The following UMAD1 variants were observed in gnomAD, a reference collection of about 807,000 sequenced individuals.
The protein encoded by UMAD1 is UBAP1-MVB12-associated (UMA)-domain containing protein 1.
Under a neutral mutation model 6.1 loss-of-function variants are expected in UMAD1, and 8 were observed. The observed-to-expected ratio is 1.30, with a 90% confidence interval of 0.76 to 2.35. UMAD1 has a LOEUF of 2.35. Ranked by LOEUF, UMAD1 falls within the 30% of genes most tolerant of loss-of-function variation. The pLI is 0.00. For missense variants in UMAD1, 130 were observed against 78.4 expected (o/e 1.66, Z -2.49); for synonymous variants, 56 against 31.4 (o/e 1.78, Z -2.61).
chr7:7,658,772 CTT>C (rs1436649848), intron 1 of UMAD1, among the ~76,000 whole-genome samples: 1 of 152,070 alleles, frequency 6.6e-6, no homozygotes, highest in Non-Finnish European at 1.5e-5. Flanking sequence ...CTGAAATTTT[CTT>C]TTTTTGTTGT....
intron 2 of UMAD1, among the ~76,000 whole-genome samples, chr7:7,769,083 C>G (rs1309695313): frequency 6.6e-6 from 1 of 152,070 alleles, no homozygotes. Context: ...ACCAGATGTC[C>G]CTTTTCATTC....
At chr7:7,720,302 G>A (rs1257058780) in intron 2 of UMAD1, among the ~76,000 whole-genome samples, 1 of 152,166 alleles carries the variant, frequency 6.6e-6, no homozygotes, top group African/African-American at 2.4e-5. Flanking sequence ...CTAGGCTGGT[G>A]GCACTCACAG....
chr7:7,835,515 T>C (rs1459030392), intron 3 of UMAD1, among the ~76,000 whole-genome samples: 2 of 127,206 alleles, frequency 1.6e-5, no homozygotes, highest in South Asian at 2.6e-4. Flanking sequence ...CTTAGCAATA[T>C]ATAGAAGTGA....
intron 2 of UMAD1, among the ~76,000 whole-genome samples, chr7:7,773,184 T>C (rs1321497113): frequency 6.6e-6 from 1 of 152,250 alleles, no homozygotes; most frequent in Non-Finnish European, 1.5e-5. Context: ...ACATTAACTT[T>C]AATGCATTTT....
chr7:7,657,540 G>C (rs2057404738), intron 1 of UMAD1, among the ~76,000 whole-genome samples: 1 of 152,110 alleles, frequency 6.6e-6, no homozygotes, highest in Admixed American at 6.6e-5. Flanking sequence ...TGGCTAGTCA[G>C]TTTTCCCAAC....
At position 7,877,620 on chromosome 7, in the gene UMAD1, C is replaced by A; in HGVS notation, c.*82C>A. ...ACCTGTTTGATGTTCTTTGCCGTTT[C>A]ACTGTTTAAGGTCCTCAGCAAGGAT... On this transcript the variant is annotated 3_prime_UTR_variant, in exon 4 of 4. Coordinates refer to ENST00000682710, the MANE Select transcript of UMAD1 (RefSeq NM_001302348.2). 1.5e-5 allele frequency: 10 copies of A among 665,994 alleles called. No individual in the cohort carries two copies. The highest frequency in any genetic ancestry group is 2.5e-5 in the Non-Finnish European group (9 of 363,196). The allele number at this position is 665,994 out of a possible 1,614,324, so 41.3% of individuals were successfully genotyped here. A position where few individuals can be genotyped will look rare whatever the true frequency, so the allele number is the denominator to read the frequency against.
Position 7,731,491 on chromosome 7 carries a change from C to A in UMAD1, c.82+58038C>A, listed in dbSNP as rs61179069. On this transcript the variant is annotated intron_variant, in intron 2 of 3. Coordinates refer to ENST00000682710, the MANE Select transcript of UMAD1 (RefSeq NM_001302348.2). ...GAAAAGCAAACAAACAACCCCCCCC[C>A]AAAAAAAAAACACTTCTAGAGGTAT... Among the ~76,000 whole-genome samples the A allele has an allele frequency of 6.8e-3, 913 of 134,582 alleles. 33 individuals are homozygous for A. Among genetic ancestry groups the A allele is most frequent in the Non-Finnish European group, 9.1e-3 (565 of 62,356 alleles). 88.3% of individuals were successfully genotyped at this position (134,582 alleles called of 152,430 possible).
At chr7:7,707,213 A>C (rs750374826) in intron 2 of UMAD1, among the ~76,000 whole-genome samples, 1 of 152,206 alleles carries the variant, frequency 6.6e-6, no homozygotes, top group African/African-American at 2.4e-5. Context: ...TCTGTACAGC[A>C]AAGATTATAT....
chr7:7,643,142 C>G (rs781291300), intron 1 of UMAD1, among the ~76,000 whole-genome samples: 5 of 152,084 alleles, frequency 3.3e-5, no homozygotes, highest in Non-Finnish European at 7.4e-5. Flanking sequence ...TCTGCAGCGC[C>G]AGGGAGAGGC....
rs560758411 is a variant in UMAD1, at chr7:7,753,981, C to T, written c.83-47689C>T. Reference sequence around the variant, plus strand: ...GGTGGATCACCTGAGGTCGGGAGTTCGAGACCAGCCTGACCAACATGGTGA... The same window carrying T: ...GGTGGATCACCTGAGGTCGGGAGTTTGAGACCAGCCTGACCAACATGGTGA... On this transcript the variant is annotated intron_variant, in intron 2 of 3. Coordinates refer to ENST00000682710, the MANE Select transcript of UMAD1 (RefSeq NM_001302348.2). 2.5e-3 allele frequency among the ~76,000 whole-genome samples: 373 copies of T among 152,066 alleles called. 4 individuals carry two copies. Among genetic ancestry groups the T allele is most frequent in the Admixed American group, 6.5e-3 (99 of 15,280 alleles).
At chr7:7,686,936 T>C (rs1213231302) in intron 2 of UMAD1, among the ~76,000 whole-genome samples, 2 of 152,216 alleles carry the variant, frequency 1.3e-5, no homozygotes, top group South Asian at 2.1e-4. Flanking sequence ...ATGATGATTA[T>C]GTAGAATTCT....
At chr7:7,680,828 T>G (rs1404008827) in intron 2 of UMAD1, among the ~76,000 whole-genome samples, 1 of 152,162 alleles carries the variant, frequency 6.6e-6, no homozygotes, top group East Asian at 1.9e-4. Context: ...ACTTTCTTGG[T>G]TTCTTTTTCA....
chr7:7,853,403 G>A (rs1365961786), intron 3 of UMAD1, among the ~76,000 whole-genome samples: 1 of 152,026 alleles, frequency 6.6e-6, no homozygotes, highest in Non-Finnish European at 1.5e-5. Context: ...GCAATTTGAA[G>A]AGTATTGCCA....
intron 2 of UMAD1, among the ~76,000 whole-genome samples, chr7:7,737,605 A>G (rs1351232729): frequency 2.0e-5 from 3 of 152,236 alleles, no homozygotes; most frequent in Non-Finnish European, 2.9e-5. Flanking sequence ...CACCTATGAC[A>G]GTTTATGTAT....
At chr7:7,659,400 G>T (rs1785420749) in intron 1 of UMAD1, among the ~76,000 whole-genome samples, 1 of 152,076 alleles carries the variant, frequency 6.6e-6, no homozygotes, top group East Asian at 1.9e-4. Flanking sequence ...TGACGTTAGG[G>T]TGTCGATTTT....
At chr7:7,859,208 T>G (rs998350129) in intron 3 of UMAD1, among the ~76,000 whole-genome samples, 1 of 152,244 alleles carries the variant, frequency 6.6e-6, no homozygotes, top group African/African-American at 2.4e-5. Context: ...AGGATTTTTG[T>G]CTCTATTGTG....
At chr7:7,729,141 C>T (rs1230200865) in intron 2 of UMAD1, among the ~76,000 whole-genome samples, 3 of 152,258 alleles carry the variant, frequency 2.0e-5, no homozygotes, top group South Asian at 4.1e-4. Flanking sequence ...ACTGAGGGAA[C>T]AGCAATGTTT....
intron 2 of UMAD1, among the ~76,000 whole-genome samples, chr7:7,679,856 T>C (rs867927314): frequency 6.6e-6 from 1 of 151,648 alleles, no homozygotes; most frequent in African/African-American, 2.4e-5. Flanking sequence ...TGAGCTGCTA[T>C]GCCTGGCCTG....
chr7:7,711,844 A>C lies in UMAD1; in HGVS notation c.82+38391A>C, dbSNP rs369283416. Among the ~76,000 whole-genome samples the C allele has an allele frequency of 7.9e-5, 12 of 152,256 alleles. 1 individual carries two copies. Among genetic ancestry groups the C allele is most frequent in the African/African-American group, 2.9e-4 (12 of 41,574 alleles). On this transcript the variant is annotated intron_variant, in intron 2 of 3. Transcript: ENST00000682710. ...AACTTTTCCTTAACTTTCATATTTC[A>C]GTCTGATTTAAAAAGTCCCTTCTTG...
Sources: gnomAD v4.1 joint callset for allele counts (sites outside exome capture counted in the v4.1 genomes callset) on GRCh38, gnomAD v4.1.1 for gene constraint, MANE v1.5 for transcripts, NCBI Gene and HGNC (gene_info 2026-07-23, HGNC 2026-07-21) for gene names.